Variants in KAZN observed in about 807,000 individuals in gnomAD.
KAZN encodes kazrin, periplakin interacting protein.
KAZN carries 40 observed loss-of-function variants against 87.4 expected under a neutral mutation model. The observed-to-expected ratio is 0.46, with a 90% CI of 0.36 to 0.60. The LOEUF (loss-of-function observed/expected upper bound fraction) is 0.60, where lower values mean the gene tolerates loss of function less well. Among genes scored for constraint, KAZN ranks in the 20% least tolerant of loss-of-function variants. The pLI is 0.00. For missense variants in KAZN, 898 were observed against 1,073.9 expected (o/e 0.84, Z 2.29); for synonymous variants, 466 against 458.3 (o/e 1.02, Z -0.22).
intron 1 of KAZN, chr1:14,945,831 G>A (rs1381140544): frequency 3.6e-5 from 35 of 982,112 alleles, no homozygotes; most frequent in Admixed American, 6.2e-5. Context: ...GCAAGTGTCC[G>A]CTCCGGCCCG....
At chr1:14,790,473 G>A (rs573279728) in intron 1 of KAZN, among the ~76,000 whole-genome samples, 4 of 152,216 alleles carry the variant, frequency 2.6e-5, no homozygotes, top group Admixed American at 2.0e-4. Context: ...ACCATTTTAA[G>A]TGTACAATTC....
intron 2 of KAZN, among the ~76,000 whole-genome samples, chr1:14,561,904 A>C (rs74911323): frequency 1.0e-5 from 1 of 99,324 alleles, no homozygotes; most frequent in Admixed American, 1.1e-4. Context: ...ACTCCATCTC[A>C]AAAAAAAAAA....
intron 1 of KAZN, among the ~76,000 whole-genome samples, chr1:14,158,997 G>A (rs554427223): frequency 1.8e-4 from 27 of 152,198 alleles, no homozygotes; most frequent in South Asian, 1.7e-3. Flanking sequence ...GGAGCTGGGG[G>A]TGGTGTGACA....
chr1:15,041,357 G>T, intron 3 of KAZN, among the ~76,000 whole-genome samples: 1 of 83,598 alleles, frequency 1.2e-5, no homozygotes, highest in South Asian at 3.3e-4. Context: ...GTTTTTTTGA[G>T]ATGGAGTTTT....
At chr1:14,986,418 G>C (rs1666829436) in intron 2 of KAZN, among the ~76,000 whole-genome samples, 1 of 152,214 alleles carries the variant, frequency 6.6e-6, no homozygotes, top group East Asian at 1.9e-4. Flanking sequence ...TGTTTGCAGA[G>C]AGGAAACTTG....
intron 1 of KAZN, among the ~76,000 whole-genome samples, chr1:14,659,171 T>A (rs375975122): frequency 6.6e-6 from 1 of 152,064 alleles, no homozygotes; most frequent in African/African-American, 2.4e-5. Flanking sequence ...CCCGTTGTAG[T>A]GAGCCAAGAT....
intron 2 of KAZN, among the ~76,000 whole-genome samples, chr1:14,187,317 T>G (rs890307834): frequency 3.3e-5 from 5 of 152,168 alleles, no homozygotes; most frequent in African/African-American, 1.2e-4. Context: ...AAAAATATTT[T>G]GACAATTTTA....
intron 2 of KAZN, among the ~76,000 whole-genome samples, chr1:14,510,997 G>A (rs1206081366): frequency 1.3e-5 from 2 of 151,798 alleles, no homozygotes; most frequent in Non-Finnish European, 2.9e-5. Context: ...CAAGATACAT[G>A]ATTAATCTTG....
At chr1:14,443,479 G>T (rs1666807601) in intron 2 of KAZN, among the ~76,000 whole-genome samples, 1 of 152,226 alleles carries the variant, frequency 6.6e-6, no homozygotes, top group African/African-American at 2.4e-5. Flanking sequence ...GTTTGCAAAT[G>T]GAAATCATTC....
chr1:15,092,267 G>T (rs1355304396), intron 8 of KAZN, among the ~76,000 whole-genome samples: 3 of 151,680 alleles, frequency 2.0e-5, no homozygotes, highest in Non-Finnish European at 4.4e-5. Context: ...TAGAGACGGG[G>T]TTTCTCCATG....
chr1:13,948,950 G>C (rs1282873633), intron 1 of KAZN, among the ~76,000 whole-genome samples: 1 of 152,150 alleles, frequency 6.6e-6, no homozygotes, highest in East Asian at 1.9e-4. Context: ...ATCGTGACTG[G>C]ACTCAAGATG....
chr1:15,112,747 G>A, intron 14 of KAZN: 1 of 509,340 alleles, frequency 2.0e-6, no homozygotes, highest in South Asian at 2.6e-5. Context: ...GCCCCCGCAG[G>A]GCTTCGAGTA....
At chr1:15,030,615 G>C (rs550651105) in intron 2 of KAZN, among the ~76,000 whole-genome samples, 1 of 152,190 alleles carries the variant, frequency 6.6e-6, no homozygotes, top group Admixed American at 6.5e-5. Flanking sequence ...CAATGTGGTC[G>C]CATCATGTTA....
intron 1 of KAZN, among the ~76,000 whole-genome samples, chr1:14,134,852 A>G (rs1371025038): frequency 6.6e-6 from 1 of 152,108 alleles, no homozygotes; most frequent in African/African-American, 2.4e-5. Flanking sequence ...AAATGGAAAG[A>G]CAGAAAAATT....
At chr1:14,473,581 G>A (rs748994344) in intron 2 of KAZN, among the ~76,000 whole-genome samples, 5 of 150,860 alleles carry the variant, frequency 3.3e-5, no homozygotes, top group Non-Finnish European at 5.9e-5. Flanking sequence ...GGCCGAGATC[G>A]TGCCACAAGA....
At chr1:14,995,995 G>C (rs963973727) in intron 2 of KAZN, among the ~76,000 whole-genome samples, 1 of 152,128 alleles carries the variant, frequency 6.6e-6, no homozygotes, top group Non-Finnish European at 1.5e-5. Context: ...ACAGTCAGCT[G>C]GACCCAAGGG....
At chr1:14,645,866 T>G (rs1680771143) in intron 1 of KAZN, among the ~76,000 whole-genome samples, 2 of 152,200 alleles carry the variant, frequency 1.3e-5, no homozygotes, top group South Asian at 4.1e-4. Flanking sequence ...CCTCTCAGTA[T>G]GATGTTGGCT....
intron 2 of KAZN, among the ~76,000 whole-genome samples, chr1:14,470,179 G>C (rs1668378028): frequency 6.6e-6 from 1 of 152,222 alleles, no homozygotes; most frequent in African/African-American, 2.4e-5. Flanking sequence ...AGTTGAGACA[G>C]ATAGCCCAGC....
intron 2 of KAZN, among the ~76,000 whole-genome samples, chr1:14,479,958 G>A (rs960374900): frequency 3.3e-5 from 5 of 152,302 alleles, no homozygotes; most frequent in Middle Eastern, 3.4e-3. Flanking sequence ...TGACAGCCCC[G>A]GCAATAAACT....
Sources: allele counts gnomAD v4.1 joint callset (sites outside exome capture counted in the v4.1 genomes callset), GRCh38; gene constraint gnomAD v4.1.1; transcripts MANE v1.5; gene names NCBI Gene and HGNC (gene_info 2026-07-23, HGNC 2026-07-21).